UPF1: variants seen among roughly 807,000 people sequenced by gnomAD.
UPF1 encodes the protein regulator of nonsense transcripts 1.
UPF1 carries 9 observed loss-of-function variants against 129.2 expected under a neutral mutation model. The observed-to-expected ratio is 0.07, with a 90% CI of 0.04 to 0.12. The LOEUF is 0.12. Among genes scored for constraint, UPF1 ranks in the 10% least tolerant of loss-of-function variants. The pLI, the probability that UPF1 is intolerant of heterozygous loss-of-function variation, is 1.00. For missense variants in UPF1, 788 were observed against 1,525.3 expected (o/e 0.52, Z 8.05); for synonymous variants, 649 against 644.9 (o/e 1.01, Z -0.10).
Position 18,864,429 on chromosome 19 carries a change from T to A in UPF1, c.2857+178T>A, listed in dbSNP as rs139890559. 1.2e-3 allele frequency among the ~76,000 whole-genome samples: 181 copies of A among 152,380 alleles called. 3 individuals carry two copies. The highest frequency in any genetic ancestry group is 4.1e-3 in the African/African-American group (169 of 41,594). On this transcript the variant is annotated intron_variant, in intron 20 of 23. Coordinates refer to ENST00000262803, the MANE Select transcript of UPF1 (RefSeq NM_002911.4). ...AGCCCCGGAACACTCCTGGGGTGTTTGTCTTTAACCAGAGTTTATTCATTT... is the reference window on the plus strand; with the variant it reads ...AGCCCCGGAACACTCCTGGGGTGTTAGTCTTTAACCAGAGTTTATTCATTT...
In UPF1 at chr19:18,862,170, T is replaced by C. The variant is rs113933684; in HGVS notation, c.2600+18T>C. 1.2e-6 allele frequency: 2 copies of C among 1,611,702 alleles called. No homozygotes were observed. Among genetic ancestry groups the C allele is most frequent in the East Asian group, 4.5e-5 (2 of 44,836 alleles). On this transcript the variant is annotated intron_variant, in intron 18 of 23. Coordinates refer to ENST00000262803, the MANE Select transcript of UPF1 (RefSeq NM_002911.4). ...AGAGCAAGGTAGGGAGGCTGCCTGC[T>C]GCATGCTGCCCAGCCGCTCATCGGT... is the stretch of plus-strand genomic sequence containing the variant.
chr19:18,855,740 C>G, intron 11 of UPF1, 185 bp from the exon 12 acceptor site: 1 of 818,366 alleles, frequency 1.2e-6, no homozygotes. Context: ...CCCAGCTACT[C>G]AGGAGGCTGA....
At chr19:18,833,573 G>A (rs1404435416) in intron 1 of UPF1, among the ~76,000 whole-genome samples, 1 of 151,772 alleles carries the variant, frequency 6.6e-6, no homozygotes, top group Non-Finnish European at 1.5e-5. Flanking sequence ...GGCTGGGGGG[G>A]TGGCGCGTGT....
intron 18 of UPF1, among the ~76,000 whole-genome samples, chr19:18,862,636 G>C (rs560549536): frequency 2.6e-5 from 4 of 152,076 alleles, no homozygotes; most frequent in Non-Finnish European, 5.9e-5. Flanking sequence ...AGGTGTTCTC[G>C]ACCAGCCTAA....
chr19:18,854,086 C>T (rs1421618263), intron 8 of UPF1, among the ~76,000 whole-genome samples: 1 of 152,188 alleles, frequency 6.6e-6, no homozygotes, highest in African/African-American at 2.4e-5. Flanking sequence ...CCGGCCACAG[C>T]CTCCTGGAGG....
In UPF1 at chr19:18,850,894, G is replaced by A. The variant is rs372655380; in HGVS notation, c.810+26G>A. 8 of 1,516,574 alleles carry A rather than the reference G, an allele frequency of 5.3e-6. No individual in the cohort carries two copies. Among genetic ancestry groups the A allele is most frequent in the Admixed American group, 4.3e-5 (2 of 46,188 alleles). 93.9% of individuals were successfully genotyped at this position (1,516,574 alleles called of 1,614,324 possible). On this transcript the variant is annotated intron_variant, in intron 5 of 23. Coordinates refer to ENST00000262803, the MANE Select transcript of UPF1 (RefSeq NM_002911.4). The surrounding 1 kb of genome is among the most constrained non-coding windows in gnomAD (Gnocchi z 7.1). ...GTGGGGCTGCCCAGCGGGCCGACCC[G>A]TGCCTTCGTGTGGTTTCTGGTTGCG...
intron 13 of UPF1, 57 bp downstream of exon 13, chr19:18,856,357 G>A (rs372146845): frequency 6.6e-7 from 1 of 1,506,152 alleles, no homozygotes; most frequent in Non-Finnish European, 9.1e-7. Context: ...GATGGTTTTT[G>A]TTTGGGCCAA....
chr19:18,839,689 CTCTTCAGCCTGGCCCTGG>C (rs2055521157), intron 1 of UPF1, among the ~76,000 whole-genome samples: 1 of 152,240 alleles, frequency 6.6e-6, no homozygotes, highest in Non-Finnish European at 1.5e-5. Context: ...GCTGGGCAAC[CTCTTCAGCCTGGCCCTGG>C]ACTTCAGCCA....
intron 8 of UPF1, 40 bp from the exon 9 acceptor site, chr19:18,854,561 C>G (rs1170318248): frequency 1.3e-6 from 2 of 1,556,834 alleles, no homozygotes; most frequent in Non-Finnish European, 1.8e-6. Context: ...AAAGGTCAGC[C>G]CGGCTTTTGA....
rs931586699 is a variant in UPF1, at chr19:18,860,759, C to G, written c.2301-67C>G. The G allele has an allele frequency of 4.4e-6, 7 of 1,589,484 alleles. No homozygotes were observed. In the African/African-American group the frequency reaches 9.4e-5, roughly 21 times the overall value. ...CAGGGTGTTGTGTCTGCACCCCTCACGGCCTCCAGCCTCAGGGCTCGGGAT... is the reference window on the plus strand; with the variant it reads ...CAGGGTGTTGTGTCTGCACCCCTCAGGGCCTCCAGCCTCAGGGCTCGGGAT... On this transcript the variant is annotated intron_variant, in intron 16 of 23. Coordinates refer to ENST00000262803, the MANE Select transcript of UPF1 (RefSeq NM_002911.4).
chr19:18,859,163 G>T (rs1416831351), intron 15 of UPF1, among the ~76,000 whole-genome samples: 1 of 152,234 alleles, frequency 6.6e-6, no homozygotes, highest in Non-Finnish European at 1.5e-5. Flanking sequence ...GTGCTCTGGG[G>T]TGTCTGAGCA....
In UPF1 at chr19:18,856,166, T is replaced by C; in HGVS notation, c.1710-20T>C. The stretch of plus-strand genomic sequence containing the variant: ...CATGTACAGAACTCAGGCACCCTGC[T>C]GACCTGCATGTGCTTCCAGCATGCC... On this transcript the variant is annotated intron_variant, in intron 12 of 23. Coordinates refer to ENST00000262803, the MANE Select transcript of UPF1 (RefSeq NM_002911.4). The C allele has an allele frequency of 1.9e-6, 3 of 1,605,890 alleles. No homozygotes were observed. Among genetic ancestry groups the C allele is most frequent in the Non-Finnish European group, 2.6e-6 (3 of 1,173,384 alleles).
rs780968978 is a variant in UPF1 at position 18,866,195 on chromosome 19, C to T, written c.*3+29C>T. 1.4e-5 allele frequency: 21 copies of T among 1,545,100 alleles called. No individual in the cohort carries two copies. In the African/African-American group the frequency reaches 2.6e-4, roughly 19 times the overall value. On this transcript the variant is annotated intron_variant, in intron 23 of 23. Coordinates refer to ENST00000262803, the MANE Select transcript of UPF1 (RefSeq NM_002911.4). ...AGCCCCCCTGGAGCAGGCCTGGCCC[C>T]ACCCCAGCCTCAAGGAGAAGGATGG...
Position 18,850,559 on chromosome 19 carries a change from G to A in UPF1, c.630-129G>A. On this transcript the variant is annotated intron_variant, in intron 4 of 23. Transcript: ENST00000262803. The surrounding 1 kb of genome is among the most constrained non-coding windows in gnomAD (Gnocchi z 7.1). ...GCGATTTATTACTAACAGTTTGAAG[G>A]TAATGTGATCACATAATAAAATGCA... 9.5e-7 allele frequency: 1 copy of A among 1,055,516 alleles called. No homozygotes were observed. The highest frequency in any genetic ancestry group is 1.3e-6 in the Non-Finnish European group (1 of 761,100). The allele number at this position is 1,055,516 out of a possible 1,614,324, so 65.4% of individuals were successfully genotyped here.
At chr19:18,863,653 C>G (rs756247391) in intron 19 of UPF1, 41 bp downstream of exon 19, 3 of 1,572,060 alleles carry the variant, frequency 1.9e-6, no homozygotes, top group Non-Finnish European at 2.6e-6. Flanking sequence ...ACGGAGAAAC[C>G]CGGGCCCAAA....
rs1367885337 is a variant in UPF1 at position 18,850,754 on chromosome 19, G to C, written c.696G>C (p.Leu232=). 6.2e-7 allele frequency: 1 copy of C among 1,611,710 alleles called. No individual in the cohort carries two copies. The highest frequency in any genetic ancestry group is 1.9e-4 in the Middle Eastern group (1 of 5,318). Residue 232 remains leucine, a synonymous_variant, in exon 5 of 24, where the codon CTG becomes CTC. Transcript: ENST00000262803. The surrounding 1 kb of genome is among the most constrained non-coding windows in gnomAD (Gnocchi z 7.1). ...INWDSSQWQP[L]IQDRCFLSWL... is the part of the protein sequence containing the mutation. ...GGGACAGCTCGCAGTGGCAGCCGCT[G>C]ATCCAGGACCGCTGCTTCCTGTCCT...
At chr19:18,855,377 A>C (rs1051380685) in intron 11 of UPF1, 135 bp downstream of exon 11, 4 of 901,124 alleles carry the variant, frequency 4.4e-6, no homozygotes, top group African/African-American at 1.7e-5. Flanking sequence ...CATGGTGCCT[A>C]CCGCTCTCTA....
rs915041978 is a variant in UPF1, at chr19:18,865,090, C to T, written c.2858-199C>T. 1.3e-5 allele frequency among the ~76,000 whole-genome samples: 2 copies of T among 152,342 alleles called. No homozygotes were observed. The highest frequency in any genetic ancestry group is 2.4e-5 in the African/African-American group (1 of 41,586). On this transcript the variant is annotated intron_variant, in intron 20 of 23. Coordinates refer to ENST00000262803, the MANE Select transcript of UPF1 (RefSeq NM_002911.4). This position sits in a 1 kb window ranked among gnomAD's most constrained non-coding sequence, Gnocchi z 6.1. ...CCAATGATTCCCAGCAGACTCTCCTCGGGGAAGGTGCCTGCCCAAGCACCC... is the reference window on the plus strand; with the variant it reads ...CCAATGATTCCCAGCAGACTCTCCTTGGGGAAGGTGCCTGCCCAAGCACCC...
rs1220104385 is a variant in UPF1 at position 18,832,805 on chromosome 19, C to G, written c.231+365C>G. Among the ~76,000 whole-genome samples the G allele has an allele frequency of 1.3e-5, 2 of 152,332 alleles. No individual in the cohort carries two copies. Among genetic ancestry groups the G allele is most frequent in the Non-Finnish European group, 2.9e-5 (2 of 68,026 alleles). On this transcript the variant is annotated intron_variant, in intron 1 of 23. Coordinates refer to ENST00000262803, the MANE Select transcript of UPF1 (RefSeq NM_002911.4). This position sits in a 1 kb window ranked among gnomAD's most constrained non-coding sequence, Gnocchi z 5.6. ...CTGGGTTTGCTCCCCCTCCTGGGCC[C>G]GGGCTGACCTGCCTTGTGTCCCACA...
Sources: allele counts gnomAD v4.1 joint callset (sites outside exome capture counted in the v4.1 genomes callset), GRCh38; gene constraint gnomAD v4.1.1; non-coding constraint Gnocchi (gnomAD v3.1); transcripts MANE v1.5; gene names NCBI Gene and HGNC (gene_info 2026-07-23, HGNC 2026-07-21).